Variants in CTNNA2 observed in about 807,000 individuals in gnomAD.
The protein encoded by CTNNA2 is catenin alpha-2.
CTNNA2 carries 42 observed loss-of-function variants against 101.0 expected under a neutral mutation model. The observed-to-expected ratio is 0.42, with a 90% CI of 0.32 to 0.54. The LOEUF (loss-of-function observed/expected upper bound fraction) is 0.54, where lower values mean the gene tolerates loss of function less well. Among genes scored for constraint, CTNNA2 ranks in the 20% least tolerant of loss-of-function variants. The pLI is 0.14. For missense variants in CTNNA2, 871 were observed against 1,223.1 expected, an observed-to-expected ratio of 0.71 and a Z score of 4.29; for synonymous variants, 450 against 456.4, an observed-to-expected ratio of 0.99 and a Z score of 0.18.
At chr2:79,802,269 G>A (rs1041144837) in intron 3 of CTNNA2, among the ~76,000 whole-genome samples, 7 of 152,100 alleles carry the variant, frequency 4.6e-5, no homozygotes, top group Non-Finnish European at 7.4e-5. Flanking sequence ...GGTATAAAGG[G>A]ATAATATCCT....
intron 12 of CTNNA2, among the ~76,000 whole-genome samples, chr2:80,566,748 T>C (rs555742973): frequency 5.9e-5 from 9 of 152,198 alleles, no homozygotes; most frequent in Admixed American, 5.9e-4. Context: ...AGAGAACAGA[T>C]AAGAGTCAGG....
At chr2:80,464,560 G>T (rs1470199992) in intron 9 of CTNNA2, among the ~76,000 whole-genome samples, 1 of 152,100 alleles carries the variant, frequency 6.6e-6, no homozygotes, top group Non-Finnish European at 1.5e-5. Flanking sequence ...AGGAAATTCT[G>T]TCCTAATGGT....
intron 9 of CTNNA2, among the ~76,000 whole-genome samples, chr2:80,451,841 A>T (rs1176266724): frequency 6.6e-6 from 1 of 152,188 alleles, no homozygotes; most frequent in African/African-American, 2.4e-5. Flanking sequence ...TGCTGATGTC[A>T]GTTTCTCAGT....
At chr2:80,270,119 T>A (rs141087462) in intron 7 of CTNNA2, among the ~76,000 whole-genome samples, 111 of 152,348 alleles carry the variant, frequency 7.3e-4, no homozygotes, top group African/African-American at 2.5e-3. Flanking sequence ...TTCGTTCCGA[T>A]GAGAAAGATG....
chr2:80,233,304 A>G (rs763174885), intron 7 of CTNNA2, among the ~76,000 whole-genome samples: 2 of 152,124 alleles, frequency 1.3e-5, no homozygotes, highest in Non-Finnish European at 2.9e-5. Flanking sequence ...CCCATGTGAG[A>G]AGCAATCCCA....
intron 1 of CTNNA2, among the ~76,000 whole-genome samples, chr2:79,576,408 T>G (rs2103863574): frequency 6.6e-6 from 1 of 152,328 alleles, no homozygotes; most frequent in East Asian, 1.9e-4. Context: ...ACTAAATATC[T>G]ATTCTTTTTA....
chr2:80,426,196 T>C (rs535921959), intron 9 of CTNNA2, among the ~76,000 whole-genome samples: 41 of 152,284 alleles, frequency 2.7e-4, no homozygotes, highest in African/African-American at 9.9e-4. Context: ...GAAACACCTG[T>C]GGTACCTCAC....
chr2:80,316,712 T>C (rs1678160099), intron 7 of CTNNA2, among the ~76,000 whole-genome samples: 1 of 152,222 alleles, frequency 6.6e-6, no homozygotes, highest in African/African-American at 2.4e-5. Flanking sequence ...TTTGAAGCTA[T>C]AACTGATGTT....
intron 9 of CTNNA2, among the ~76,000 whole-genome samples, chr2:80,443,697 A>T (rs1336131515): frequency 6.6e-6 from 1 of 152,218 alleles, no homozygotes; most frequent in African/African-American, 2.4e-5. Context: ...AATTTTTCTC[A>T]TCTGTATAAA....
chr2:80,447,731 G>C (rs1188679041), intron 9 of CTNNA2, among the ~76,000 whole-genome samples: 1 of 151,700 alleles, frequency 6.6e-6, no homozygotes, highest in Non-Finnish European at 1.5e-5. Flanking sequence ...ATCCCTTGAT[G>C]TACCCAACCT....
intron 1 of CTNNA2, among the ~76,000 whole-genome samples, chr2:79,618,521 C>G (rs1163550223): frequency 6.6e-6 from 1 of 152,058 alleles, no homozygotes; most frequent in African/African-American, 2.4e-5. Context: ...CCAAGATAAG[C>G]CTCTGAAGCT....
chr2:80,120,557 A>G (rs902140547), intron 7 of CTNNA2, among the ~76,000 whole-genome samples: 1 of 152,122 alleles, frequency 6.6e-6, no homozygotes, highest in African/African-American at 2.4e-5. Flanking sequence ...GGCTCTTTCT[A>G]ATGCCTTCCT....
chr2:80,014,857 A>G (rs771517505), intron 7 of CTNNA2, among the ~76,000 whole-genome samples: 2 of 152,218 alleles, frequency 1.3e-5, no homozygotes, highest in South Asian at 2.1e-4. Flanking sequence ...TATTCAGCCA[A>G]TGTGTACATT....
intron 4 of CTNNA2, among the ~76,000 whole-genome samples, chr2:79,868,539 C>G (rs930528036): frequency 9.9e-5 from 15 of 152,224 alleles, no homozygotes; most frequent in African/African-American, 2.9e-4. Context: ...TTGCGTCAAG[C>G]CTCAATTAAG....
At chr2:79,329,868 G>A (rs929531290) in intron 3 of CTNNA2, among the ~76,000 whole-genome samples, 5 of 152,158 alleles carry the variant, frequency 3.3e-5, no homozygotes, top group Admixed American at 2.0e-4. Flanking sequence ...GAATGGCTTT[G>A]ACGTAGACAT....
At chr2:80,386,638 G>T (rs1677034053) in intron 7 of CTNNA2, among the ~76,000 whole-genome samples, 1 of 152,150 alleles carries the variant, frequency 6.6e-6, no homozygotes, top group African/African-American at 2.4e-5. Flanking sequence ...GAGATAGAGT[G>T]CATGGCATAT....
At chr2:79,397,831 T>A (rs1678249335) in intron 4 of CTNNA2, among the ~76,000 whole-genome samples, 1 of 152,060 alleles carries the variant, frequency 6.6e-6, no homozygotes, top group Non-Finnish European at 1.5e-5. Context: ...TTATTTTTTT[T>A]ATAATTTCTT....
intron 6 of CTNNA2, among the ~76,000 whole-genome samples, chr2:79,878,385 T>C (rs1039619348): frequency 6.6e-6 from 1 of 152,222 alleles, no homozygotes; most frequent in Non-Finnish European, 1.5e-5. Flanking sequence ...CTGTAAGGAA[T>C]TGCCATACTG....
chr2:79,953,034 A>G (rs980858346), intron 7 of CTNNA2, among the ~76,000 whole-genome samples: 2 of 152,226 alleles, frequency 1.3e-5, no homozygotes, highest in East Asian at 3.9e-4. Flanking sequence ...CTAACATCCT[A>G]TGAATGAAGA....
Sources: gnomAD v4.1 joint callset for allele counts (sites outside exome capture counted in the v4.1 genomes callset) on GRCh38, gnomAD v4.1.1 for gene constraint, MANE v1.5 for transcripts, NCBI Gene and HGNC (gene_info 2026-07-23, HGNC 2026-07-21) for gene names.